GIGYF2: variants seen among roughly 807,000 people sequenced by gnomAD.
GIGYF2 encodes GRB10 interacting GYF protein 2, also known as GRB10-interacting GYF protein 2.
A neutral mutation model predicts 208.1 loss-of-function variants in GIGYF2; 25 were observed. The ratio of observed to expected loss-of-function variants is 0.12; its 90% CI spans 0.09 to 0.17. The LOEUF is 0.17. GIGYF2 is among the 10% of genes least tolerant of loss of function. The pLI, the probability that GIGYF2 is intolerant of heterozygous loss-of-function variation, is 1.00. For synonymous variants in GIGYF2, 534 were observed against 543.8 expected (o/e 0.98, Z 0.25); for missense variants, 1,302 against 1,579.4 (o/e 0.82, Z 2.98).
intron 1 of GIGYF2, among the ~76,000 whole-genome samples, chr2:232,701,809 A>G (rs1411019881): frequency 6.6e-6 from 1 of 152,112 alleles, no homozygotes; most frequent in African/African-American, 2.4e-5. Context: ...AAGGTCATCC[A>G]ACTTTACCCA....
intron 2 of GIGYF2, among the ~76,000 whole-genome samples, chr2:232,729,099 C>T (rs1441940838): frequency 6.6e-6 from 1 of 152,190 alleles, no homozygotes; most frequent in East Asian, 1.9e-4. Context: ...CCACCTCAGC[C>T]TCCCAAGTAG....
intron 14 of GIGYF2, among the ~76,000 whole-genome samples, chr2:232,800,666 C>A (rs955015018): frequency 1.3e-5 from 2 of 151,528 alleles, no homozygotes; most frequent in Non-Finnish European, 2.9e-5. Flanking sequence ...CTCACTGTAG[C>A]CTCAAACTCC....
chr2:232,814,298 C>G (rs575684162), intron 18 of GIGYF2, among the ~76,000 whole-genome samples: 1 of 151,946 alleles, frequency 6.6e-6, no homozygotes, highest in South Asian at 2.1e-4. Context: ...TGTGGTGGCT[C>G]ACGCCTGTAA....
chr2:232,765,470 T>C (rs1459605201), intron 8 of GIGYF2: 2 of 152,414 alleles, frequency 1.3e-5, no homozygotes, highest in Admixed American at 6.5e-5. Context: ...ATTACAGACA[T>C]CTTTAGATGT....
intron 8 of GIGYF2, chr2:232,776,474 C>A: frequency 1.3e-6 from 2 of 1,567,446 alleles, no homozygotes; most frequent in Non-Finnish European, 1.8e-6. Flanking sequence ...GCCTTTATGC[C>A]AAGGTAGGTC....
At chr2:232,839,996 C>G (rs1353322632) in intron 23 of GIGYF2, 25 bp downstream of exon 23, 6 of 1,609,704 alleles carry the variant, frequency 3.7e-6, no homozygotes, top group African/African-American at 2.7e-5. Context: ...TAAAAGGGAT[C>G]TAGTCAAGCG....
chr2:232,768,467 T>C lies in GIGYF2; in HGVS notation c.532+7031T>C, dbSNP rs147191772. On this transcript the variant is annotated intron_variant, in intron 8 of 28. Coordinates refer to ENST00000373563, the MANE Select transcript of GIGYF2 (RefSeq NM_001103146.3). ...TGCCCTCCTGCATTGCTGAAAGGAA[T>C]ACAACTAATTCAAAGTGAGAAGGAT... 15 of 1,614,100 alleles carry C rather than the reference T, an allele frequency of 9.3e-6. No individual in the cohort carries two copies. In the African/African-American group the frequency reaches 1.9e-4, roughly 20 times the overall value.
intron 2 of GIGYF2, among the ~76,000 whole-genome samples, chr2:232,732,625 ATTTTAATTT>A (rs1017499640): frequency 6.0e-5 from 9 of 150,848 alleles, no homozygotes; most frequent in Non-Finnish European, 8.8e-5. Context: ...TTTCTTTTTT[ATTTTAATTT>A]TTTTAATTTT....
chr2:232,707,027 C>T (rs1438029188), intron 2 of GIGYF2, among the ~76,000 whole-genome samples: 1 of 149,816 alleles, frequency 6.7e-6, no homozygotes, highest in East Asian at 2.0e-4. Flanking sequence ...TGGTAAAATT[C>T]TCAAATGATG....
At chr2:232,801,571 C>A (rs978310545) in intron 14 of GIGYF2, among the ~76,000 whole-genome samples, 1 of 152,144 alleles carries the variant, frequency 6.6e-6, no homozygotes, top group Non-Finnish European at 1.5e-5. Context: ...TTTTTAAATA[C>A]GCATACATAT....
intron 20 of GIGYF2, among the ~76,000 whole-genome samples, chr2:232,818,011 C>CACCAA (rs1164236194): frequency 6.6e-6 from 1 of 152,200 alleles, no homozygotes; most frequent in Non-Finnish European, 1.5e-5. Flanking sequence ...CCCAGTGTCT[C>CACCAA]CACATTCTCA....
At chr2:232,756,779 G>T (rs1183671735) in intron 6 of GIGYF2, among the ~76,000 whole-genome samples, 2 of 152,136 alleles carry the variant, frequency 1.3e-5, no homozygotes, top group Non-Finnish European at 2.9e-5. Flanking sequence ...ATCAGGACTA[G>T]GACATTTAGG....
chr2:232,736,067 A>G (rs1164425208), intron 3 of GIGYF2: 2 of 973,706 alleles, frequency 2.1e-6, no homozygotes, highest in Non-Finnish European at 2.4e-6. Context: ...GAGGAGTCTT[A>G]TTAACTTATC....
intron 2 of GIGYF2, among the ~76,000 whole-genome samples, chr2:232,704,922 C>T (rs539851418): frequency 6.8e-4 from 88 of 128,956 alleles, no homozygotes; most frequent in African/African-American, 2.3e-3. Context: ...TGCAGTGGCG[C>T]GATCTCTGCT....
At position 232,842,735 on chromosome 2, in the gene GIGYF2, C is replaced by A. The variant is rs985197994; in HGVS notation, c.2890-1311C>A. 3.3e-5 allele frequency among the ~76,000 whole-genome samples: 5 copies of A among 152,254 alleles called. No homozygotes were observed. In the South Asian group the frequency reaches 1.0e-3, roughly 32 times the overall value. On this transcript the variant is annotated intron_variant, in intron 23 of 28. Coordinates refer to ENST00000373563, the MANE Select transcript of GIGYF2 (RefSeq NM_001103146.3). ...TTGTTCTGTTGGGGACCTCCACCCCCACCCCCACTCCAATTTGTTGGTACC... is the reference window on the plus strand; with the variant it reads ...TTGTTCTGTTGGGGACCTCCACCCCAACCCCCACTCCAATTTGTTGGTACC...
At position 232,836,373 on chromosome 2, in the gene GIGYF2, TATAAATATAA is replaced by T. The variant is rs1701631953; in HGVS notation, c.2766+3284_2766+3293del. On this transcript the variant is annotated intron_variant, in intron 22 of 28. Coordinates refer to ENST00000373563, the MANE Select transcript of GIGYF2 (RefSeq NM_001103146.3). ...ATTTATATATATAAATATAAATATA[TATAAATATAA>T]ATATATATAAATATAAATATATATA... Among the ~76,000 whole-genome samples the T allele has an allele frequency of 1.4e-4, 8 of 57,630 alleles. 1 individual carries two copies. The highest frequency in any genetic ancestry group is 3.1e-5 in the Non-Finnish European group (1 of 32,440). The allele number at this position is 57,630 out of a possible 152,430, so 37.8% of individuals were successfully genotyped here.
At chr2:232,816,241 C>T in intron 19 of GIGYF2, among the ~76,000 whole-genome samples, 1 of 152,194 alleles carries the variant, frequency 6.6e-6, no homozygotes, top group Admixed American at 6.5e-5. Context: ...TTAGTACTTG[C>T]CAGAAAAGAA....
intron 2 of GIGYF2, among the ~76,000 whole-genome samples, chr2:232,707,839 T>C (rs537787145): frequency 2.0e-5 from 3 of 152,124 alleles, no homozygotes; most frequent in African/African-American, 4.8e-5. Context: ...GGTTTCACCA[T>C]GTTGGCCAGG....
chr2:232,737,121 G>C (rs1697764963), intron 3 of GIGYF2, among the ~76,000 whole-genome samples: 1 of 152,214 alleles, frequency 6.6e-6, no homozygotes, highest in Non-Finnish European at 1.5e-5. Context: ...AGGCCATTTG[G>C]TTCACAGAGC....
Sources: allele counts gnomAD v4.1 joint callset (sites outside exome capture counted in the v4.1 genomes callset), GRCh38; gene constraint gnomAD v4.1.1; transcripts MANE v1.5; gene names NCBI Gene and HGNC (gene_info 2026-07-23, HGNC 2026-07-21).